The following CADPS2 variants were observed in gnomAD, a reference collection of about 807,000 sequenced individuals.
CADPS2 encodes the protein calcium-dependent secretion activator 2.
In CADPS2, 93 loss-of-function variants were observed where a neutral mutation model predicts 172.5. That is an observed-to-expected ratio of 0.54 (90% CI 0.46 to 0.64). The LOEUF (loss-of-function observed/expected upper bound fraction) is 0.64, where lower values mean the gene tolerates loss of function less well. Among genes scored for constraint, CADPS2 ranks in the 30% least tolerant of loss-of-function variants. CADPS2 has a pLI of 0.00. For synonymous variants in CADPS2, 546 were observed against 555.2 expected (o/e 0.98, Z 0.23); for missense variants, 1,420 against 1,565.9 (o/e 0.91, Z 1.57).
At chr7:122,652,294 CTAAT>C (rs1459450443) in intron 3 of CADPS2, among the ~76,000 whole-genome samples, 1 of 151,982 alleles carries the variant, frequency 6.6e-6, no homozygotes, top group Non-Finnish European at 1.5e-5. Context: ...AATGGGTTAA[CTAAT>C]TAATTTGAAC....
chr7:122,782,085 A>G (rs1792881232), intron 1 of CADPS2, among the ~76,000 whole-genome samples: 1 of 152,190 alleles, frequency 6.6e-6, no homozygotes, highest in South Asian at 2.1e-4. Context: ...ATTATTCTAA[A>G]TAATTATTTA....
intron 19 of CADPS2, chr7:122,407,943 G>T: frequency 2.4e-6 from 1 of 409,270 alleles, no homozygotes; most frequent in Non-Finnish European, 4.3e-6. Context: ...CTTTATAAAA[G>T]AAATACATGA....
At chr7:122,478,343 A>G (rs970205162) in intron 12 of CADPS2, among the ~76,000 whole-genome samples, 9 of 152,242 alleles carry the variant, frequency 5.9e-5, no homozygotes, top group Non-Finnish European at 1.0e-4. Context: ...TATGAGCTTA[A>G]GCAGTATACT....
intron 2 of CADPS2, among the ~76,000 whole-genome samples, chr7:122,728,204 C>G (rs894264769): frequency 3.9e-5 from 6 of 151,912 alleles, no homozygotes; most frequent in Admixed American, 6.6e-5. Flanking sequence ...CAGCTCCTCT[C>G]TCTCTCTAGC....
intron 1 of CADPS2, among the ~76,000 whole-genome samples, chr7:122,839,912 C>A (rs1809885456): frequency 1.3e-5 from 2 of 152,218 alleles, no homozygotes; most frequent in Non-Finnish European, 2.9e-5. Context: ...CCATTTGACC[C>A]AGCCATCCCA....
At chr7:122,585,073 T>C (rs1203740751) in intron 6 of CADPS2, among the ~76,000 whole-genome samples, 1 of 151,904 alleles carries the variant, frequency 6.6e-6, no homozygotes, top group African/African-American at 2.4e-5. Flanking sequence ...TGAAGAAGGC[T>C]TAAATAACGT....
chr7:122,440,094 A>G (rs1211357928), intron 16 of CADPS2: 1 of 152,152 alleles, frequency 6.6e-6, no homozygotes, highest in East Asian at 1.9e-4. Context: ...TTTACTTTTC[A>G]ATATCAGTAA....
chr7:122,434,739 G>A (rs183947620), intron 17 of CADPS2, among the ~76,000 whole-genome samples: 67 of 152,340 alleles, frequency 4.4e-4, no homozygotes, highest in South Asian at 6.2e-4. Flanking sequence ...GCGACTCAGC[G>A]AACTCTTTCC....
At chr7:122,639,981 C>T (rs2471201) in intron 3 of CADPS2, among the ~76,000 whole-genome samples, 151,199 of 152,288 alleles carry the variant, frequency 0.99, 75,067 homozygotes, top group Middle Eastern at 1. Flanking sequence ...ATTGCCTACT[C>T]GAGTTTCAGC....
chr7:122,797,043 ACATAAATAGACACTTT>A (rs1271455726), intron 1 of CADPS2, among the ~76,000 whole-genome samples: 2 of 152,280 alleles, frequency 1.3e-5, no homozygotes, highest in East Asian at 3.9e-4. Context: ...CAGGCAAACG[ACATAAATAGACACTTT>A]TCAAAAGAAG....
chr7:122,641,701 A>G (rs2077663624), intron 3 of CADPS2, among the ~76,000 whole-genome samples: 1 of 152,142 alleles, frequency 6.6e-6, no homozygotes, highest in South Asian at 2.1e-4. Context: ...TTCTTTGTAA[A>G]GGAACACTAA....
chr7:122,851,381 GAAAC>G (rs1429578731), intron 1 of CADPS2, among the ~76,000 whole-genome samples: 3 of 152,298 alleles, frequency 2.0e-5, no homozygotes, highest in African/African-American at 7.2e-5. Context: ...AAAGTCCACA[GAAAC>G]CATGGCCTCA....
At chr7:122,838,628 C>G (rs1809346098) in intron 1 of CADPS2, among the ~76,000 whole-genome samples, 1 of 152,000 alleles carries the variant, frequency 6.6e-6, no homozygotes, top group African/African-American at 2.4e-5. Flanking sequence ...TTCTTATAAA[C>G]CAATAACAGA....
At chr7:122,497,554 T>G (rs2130185904) in intron 9 of CADPS2, among the ~76,000 whole-genome samples, 1 of 152,288 alleles carries the variant, frequency 6.6e-6, no homozygotes, top group Non-Finnish European at 1.5e-5. Context: ...ATCTGTTAAC[T>G]CAGTCCTCAT....
Position 122,416,134 on chromosome 7 carries a change from T to C in CADPS2, c.2507A>G (p.Lys836Arg). The change falls in exon 18 of 30, where the codon AAG (lysine) becomes AGG (arginine). Residue 836 changes from lysine (K) to arginine (R), a missense_variant. Physicochemically the swap from Lys to Arg is conservative, Grantham distance 26 (BLOSUM62 2). Transcript: ENST00000449022. Reference sequence around the variant, plus strand: ...TGCCAGATGAAGAATCTCTTCCAGCTTTCTAGCAGGAGATGCCTGGTTCAT... The same window carrying C: ...TGCCAGATGAAGAATCTCTTCCAGCCTTCTAGCAGGAGATGCCTGGTTCAT... ...ETMNQASPARKLEEILHLAEL... is the reference protein window; with the variant it reads ...ETMNQASPARRLEEILHLAEL... The C allele has an allele frequency of 6.4e-7, 1 of 1,551,766 alleles. No individual in the cohort carries two copies. The highest frequency in any genetic ancestry group is 8.7e-7 in the Non-Finnish European group (1 of 1,143,758).
intron 17 of CADPS2, among the ~76,000 whole-genome samples, chr7:122,422,753 GA>G (rs927549150): frequency 2.7e-4 from 40 of 150,374 alleles, no homozygotes; most frequent in African/African-American, 9.3e-4. Context: ...TTAGGAGTTC[GA>G]GGCCAGCCTG....
intron 1 of CADPS2, among the ~76,000 whole-genome samples, chr7:122,835,206 G>A (rs1807980362): frequency 6.6e-6 from 1 of 152,170 alleles, no homozygotes. Flanking sequence ...AACTCCAACA[G>A]ACCTGCAGCT....
In CADPS2 at chr7:122,676,371, ATG is replaced by A. The variant is rs1212719071; in HGVS notation, c.454-12804_454-12803del. 2.0e-5 allele frequency among the ~76,000 whole-genome samples: 3 copies of A among 152,186 alleles called. No individual in the cohort carries two copies. In the East Asian group the frequency reaches 5.8e-4, roughly 29 times the overall value. On this transcript the variant is annotated intron_variant, in intron 2 of 29. Coordinates refer to ENST00000449022, the MANE Select transcript of CADPS2 (RefSeq NM_017954.11). ...AGAATGAAGACTTAGCAGAAAATACATGTCTTTTGCCACAAGTAATGAGAAAA... is the reference window on the plus strand; with the variant it reads ...AGAATGAAGACTTAGCAGAAAATACATCTTTTGCCACAAGTAATGAGAAAA...
intron 1 of CADPS2, among the ~76,000 whole-genome samples, chr7:122,858,328 A>G (rs1815911330): frequency 1.3e-5 from 2 of 152,184 alleles, no homozygotes; most frequent in Non-Finnish European, 2.9e-5. Context: ...TCTCGAATTC[A>G]GTGTAATCTA....
Sources: allele counts gnomAD v4.1 joint callset (sites outside exome capture counted in the v4.1 genomes callset), GRCh38; gene constraint gnomAD v4.1.1; transcripts MANE v1.5; gene names NCBI Gene and HGNC (gene_info 2026-07-23, HGNC 2026-07-21).